The following ZNF609 variants were observed in gnomAD, a reference collection of about 807,000 sequenced individuals.
ZNF609 encodes zinc finger protein 609.
ZNF609 carries 11 observed loss-of-function variants against 109.5 expected under a neutral mutation model. The observed-to-expected ratio is 0.10, with a 90% CI of 0.06 to 0.17. The LOEUF (loss-of-function observed/expected upper bound fraction) is 0.17, where lower values mean the gene tolerates loss of function less well. Ranked by LOEUF, ZNF609 falls within the 10% of genes least tolerant of loss-of-function variation. ZNF609 has a pLI of 1.00. For missense variants in ZNF609, 1,559 were observed against 1,772.4 expected, an observed-to-expected ratio of 0.88 and a Z score of 2.16; for synonymous variants, 646 against 662.0, an observed-to-expected ratio of 0.98 and a Z score of 0.37.
At chr15:64,655,071 G>T (rs1479610818) in intron 3 of ZNF609, among the ~76,000 whole-genome samples, 3 of 150,418 alleles carry the variant, frequency 2.0e-5, no homozygotes, top group Admixed American at 1.3e-4. Context: ...GGTCCAGCCT[G>T]GGTGACAGAA....
At position 64,685,551 on chromosome 15, in the gene ZNF609, T is replaced by C. The variant is rs748948665; in HGVS notation, c.*3865T>C. 2.0e-5 allele frequency: 3 copies of C among 152,830 alleles called. No individual in the cohort carries two copies. The highest frequency in any genetic ancestry group is 2.9e-5 in the Non-Finnish European group (2 of 68,198). The allele number at this position is 152,830 out of a possible 1,614,324, so 9.5% of individuals were successfully genotyped here. A position where few individuals can be genotyped will look rare whatever the true frequency, so the allele number is the denominator to read the frequency against. ...CCTCCCCTCTCTTCACCTTTAGATT[T>C]CCATTCACCGAAGTGGCTTTGGACC... On this transcript the variant is annotated 3_prime_UTR_variant, in exon 10 of 10. Transcript: ENST00000326648.
intron 2 of ZNF609, among the ~76,000 whole-genome samples, chr15:64,601,366 T>C (rs982998906): frequency 6.6e-6 from 1 of 152,158 alleles, no homozygotes; most frequent in Non-Finnish European, 1.5e-5. Context: ...AATCCCCATC[T>C]TACAGATGAT....
intron 2 of ZNF609, among the ~76,000 whole-genome samples, chr15:64,603,243 C>A (rs1895533295): frequency 6.6e-6 from 1 of 151,062 alleles, no homozygotes; most frequent in African/African-American, 2.4e-5. Context: ...TTCTTACCTC[C>A]TTGACTTGAG....
chr15:64,670,797 G>C (rs568349049), intron 4 of ZNF609, among the ~76,000 whole-genome samples: 2 of 149,378 alleles, frequency 1.3e-5, no homozygotes, highest in South Asian at 4.2e-4. Context: ...AGAATCGCTT[G>C]AACCCAGGAG....
intron 3 of ZNF609, among the ~76,000 whole-genome samples, chr15:64,653,654 AT>A (rs1896449116): frequency 1.4e-5 from 2 of 147,592 alleles, no homozygotes; most frequent in East Asian, 1.9e-4. Context: ...TCCAAAAAAA[AT>A]AAATAAATAA....
At chr15:64,625,942 G>T (rs1455528852) in intron 3 of ZNF609, among the ~76,000 whole-genome samples, 3,043 of 19,708 alleles carry the variant, frequency 0.15, 72 homozygotes, top group African/African-American at 0.18. Flanking sequence ...TATATAGAGA[G>T]AGAGAGAGAG....
At chr15:64,467,539 A>C (rs1193613572) in intron 1 of ZNF609, among the ~76,000 whole-genome samples, 1 of 152,182 alleles carries the variant, frequency 6.6e-6, no homozygotes, top group Admixed American at 6.5e-5. Flanking sequence ...GGTAATTAAT[A>C]AAATACTTTA....
At chr15:64,609,643 G>A (rs1895683906) in intron 2 of ZNF609, among the ~76,000 whole-genome samples, 1 of 151,566 alleles carries the variant, frequency 6.6e-6, no homozygotes, top group African/African-American at 2.4e-5. Flanking sequence ...AATATCAAGG[G>A]ATATAGCCTA....
rs969175514 is a variant in ZNF609, at chr15:64,478,502, C to T, written c.-128+17664C>T. 3.3e-5 allele frequency among the ~76,000 whole-genome samples: 5 copies of T among 152,156 alleles called. No homozygotes were observed. In the East Asian group the frequency reaches 9.7e-4, roughly 29 times the overall value. On this transcript the variant is annotated intron_variant, in intron 1 of 9. Coordinates refer to ENST00000326648, the MANE Select transcript of ZNF609 (RefSeq NM_015042.2). Reference sequence around the variant, plus strand: ...TCTCCTGCCTCAGCCTTCCAAGTAGCTGGGATTACAGGTGCCTGCCACCAA... The same window carrying T: ...TCTCCTGCCTCAGCCTTCCAAGTAGTTGGGATTACAGGTGCCTGCCACCAA...
chr15:64,655,658 C>G (rs2141000867), intron 3 of ZNF609, among the ~76,000 whole-genome samples: 1 of 151,540 alleles, frequency 6.6e-6, no homozygotes, highest in African/African-American at 2.4e-5. Flanking sequence ...GAAACCTCAT[C>G]TCTACTAAAA....
At chr15:64,572,330 T>G (rs1001507108) in intron 2 of ZNF609, among the ~76,000 whole-genome samples, 5 of 152,080 alleles carry the variant, frequency 3.3e-5, no homozygotes, top group African/African-American at 1.2e-4. Flanking sequence ...ACCTCATTCT[T>G]TACAAAAAAT....
intron 2 of ZNF609, among the ~76,000 whole-genome samples, chr15:64,553,148 A>G (rs952771299): frequency 1.3e-5 from 2 of 152,138 alleles, no homozygotes; most frequent in African/African-American, 2.4e-5. Context: ...CTTGATTACT[A>G]TAACTTTATA....
At chr15:64,598,742 GTATA>G (rs1169879124) in intron 2 of ZNF609, among the ~76,000 whole-genome samples, 8,459 of 59,316 alleles carry the variant, frequency 0.14, 520 homozygotes, top group Non-Finnish European at 0.15. Context: ...CTTTGTGTGT[GTATA>G]TATATATATA....
At chr15:64,607,011 G>A (rs1219452386) in intron 2 of ZNF609, among the ~76,000 whole-genome samples, 3 of 152,092 alleles carry the variant, frequency 2.0e-5, no homozygotes, top group Non-Finnish European at 4.4e-5. Context: ...AGGCGTGGTG[G>A]CACATGCCTG....
chr15:64,591,970 A>G (rs1204325209), intron 2 of ZNF609, among the ~76,000 whole-genome samples: 1 of 151,908 alleles, frequency 6.6e-6, no homozygotes, highest in African/African-American at 2.4e-5. Flanking sequence ...TGGCCTCCCA[A>G]AGTGCTGGGA....
In ZNF609 at chr15:64,608,829, C is replaced by T. The variant is rs142891541; in HGVS notation, c.748-13998C>T. Among the ~76,000 whole-genome samples the T allele has an allele frequency of 4.6e-3, 696 of 152,146 alleles. 4 individuals are homozygous for T. Among genetic ancestry groups the T allele is most frequent in the African/African-American group, 0.016 (671 of 41,502 alleles). On this transcript the variant is annotated intron_variant, in intron 2 of 9. Transcript: ENST00000326648. Reference sequence around the variant, plus strand: ...TCATGGCTTACTGCAGCCTCAACCTCCTGGGCCCAAGCGATCCTCCCACCT... The same window carrying T: ...TCATGGCTTACTGCAGCCTCAACCTTCTGGGCCCAAGCGATCCTCCCACCT...
At chr15:64,516,559 G>T (rs1016593117) in intron 2 of ZNF609, among the ~76,000 whole-genome samples, 3 of 152,016 alleles carry the variant, frequency 2.0e-5, no homozygotes, top group Non-Finnish European at 4.4e-5. Context: ...TGTATTTTTG[G>T]TAGAGATGGG....
At chr15:64,542,579 C>T (rs1894282895) in intron 2 of ZNF609, among the ~76,000 whole-genome samples, 1 of 152,162 alleles carries the variant, frequency 6.6e-6, no homozygotes, top group South Asian at 2.1e-4. Flanking sequence ...CCAAAGTTTT[C>T]ATTGTTCAAC....
chr15:64,625,213 A>T (rs1374029220), intron 3 of ZNF609, among the ~76,000 whole-genome samples: 2 of 152,188 alleles, frequency 1.3e-5, no homozygotes, highest in African/African-American at 4.8e-5. Flanking sequence ...TCATCATTGT[A>T]TCCAAGGTAC....
Sources: allele counts gnomAD v4.1 joint callset (sites outside exome capture counted in the v4.1 genomes callset), GRCh38; gene constraint gnomAD v4.1.1; transcripts MANE v1.5; gene names NCBI Gene and HGNC (gene_info 2026-07-23, HGNC 2026-07-21).